ATG7: variants seen among roughly 807,000 people sequenced by gnomAD.
ATG7 encodes the protein autophagy related 7, also known as ubiquitin-like modifier-activating enzyme ATG7.
A neutral mutation model predicts 82.4 loss-of-function variants in ATG7; 70 were observed. That is an observed-to-expected ratio of 0.85 (90% CI 0.70 to 1.04). The LOEUF (loss-of-function observed/expected upper bound fraction) is 1.04. Ranked by LOEUF, ATG7 falls within the 50% of genes least tolerant of loss-of-function variation. The pLI, the probability that ATG7 is intolerant of heterozygous loss-of-function variation, is 0.00. For synonymous variants in ATG7, 287 were observed against 313.0 expected (o/e 0.92, Z 0.88); for missense variants, 792 against 864.3 (o/e 0.92, Z 1.05).
intron 20 of ATG7, among the ~76,000 whole-genome samples, chr3:11,554,420 G>A (rs2072180072): frequency 6.6e-6 from 1 of 152,194 alleles, no homozygotes; most frequent in South Asian, 2.1e-4. Context: ...CCTGCCCTCA[G>A]GGAGCTTGCC....
intron 3 of ATG7, among the ~76,000 whole-genome samples, chr3:11,291,977 A>G (rs1475049231): frequency 6.6e-6 from 1 of 152,212 alleles, no homozygotes; most frequent in Non-Finnish European, 1.5e-5. Flanking sequence ...CCACCTGTGC[A>G]GATCATTCCT....
intron 20 of ATG7, among the ~76,000 whole-genome samples, chr3:11,476,500 G>C (rs1400911684): frequency 1.4e-5 from 2 of 146,486 alleles, no homozygotes; most frequent in African/African-American, 5.0e-5. Flanking sequence ...TTAGAACCTT[G>C]TATCAGAATA....
chr3:11,491,965 C>G (rs1157817997), intron 20 of ATG7, among the ~76,000 whole-genome samples: 1 of 152,180 alleles, frequency 6.6e-6, no homozygotes, highest in Non-Finnish European at 1.5e-5. Context: ...GCAGGTAGGC[C>G]TCCTTGAGCT....
At chr3:11,478,425 A>G (rs933552448) in intron 20 of ATG7, among the ~76,000 whole-genome samples, 1 of 152,198 alleles carries the variant, frequency 6.6e-6, no homozygotes, top group Non-Finnish European at 1.5e-5. Flanking sequence ...GGTCCTGAAG[A>G]GATGAGACTG....
chr3:11,484,318 C>G (rs1033279012), intron 20 of ATG7, among the ~76,000 whole-genome samples: 1 of 152,182 alleles, frequency 6.6e-6, no homozygotes, highest in Non-Finnish European at 1.5e-5. Flanking sequence ...TACTTGAACC[C>G]AGGAGGCGGA....
chr3:11,298,875 A>AT lies in ATG7; in HGVS notation c.160+24dup, dbSNP rs773953450. On this transcript the variant is annotated intron_variant, in intron 4 of 20. Coordinates refer to ENST00000693202, the MANE Select transcript of ATG7 (RefSeq NM_001349232.2). ...ACAATGGTAGGTGATTGTAAATTTC[A>AT]TTTTCCATCATCTTCTGTTATCCTC... 1 of 1,612,948 alleles carries AT rather than the reference A, an allele frequency of 6.2e-7. No homozygotes were observed. Among genetic ancestry groups the AT allele is most frequent in the South Asian group, 1.1e-5 (1 of 91,012 alleles).
At chr3:11,561,010 G>C (rs539080936), downstream of ATG7, among the ~76,000 whole-genome samples, 6 of 152,110 alleles carry the variant, frequency 3.9e-5, no homozygotes, top group South Asian at 1.2e-3. Context: ...GCAGAATACC[G>C]AGACCTGGAC....
chr3:11,324,111 A>T (rs1950555405), intron 9 of ATG7, among the ~76,000 whole-genome samples: 2 of 152,230 alleles, frequency 1.3e-5, no homozygotes, highest in Non-Finnish European at 2.9e-5. Context: ...TAAAGCTTCT[A>T]AACAAAGTTT....
chr3:11,356,365 C>A (rs978015720), intron 14 of ATG7, among the ~76,000 whole-genome samples: 1 of 152,102 alleles, frequency 6.6e-6, no homozygotes, highest in Admixed American at 6.6e-5. Flanking sequence ...GGTGCCTGGG[C>A]TCATTCTTAG....
chr3:11,321,064 G>A (rs1950148199), intron 9 of ATG7, among the ~76,000 whole-genome samples: 2 of 152,180 alleles, frequency 1.3e-5, no homozygotes, highest in South Asian at 2.1e-4. Context: ...TTTGGAGTAG[G>A]GTGCAGATGC....
intron 20 of ATG7, among the ~76,000 whole-genome samples, chr3:11,504,496 C>T (rs1212501964): frequency 6.6e-6 from 1 of 152,164 alleles, no homozygotes; most frequent in South Asian, 2.1e-4. Context: ...AAGGCATCCT[C>T]AAAACAGTAG....
At chr3:11,275,510 G>A (rs113518127) in intron 1 of ATG7, among the ~76,000 whole-genome samples, 1,953 of 144,734 alleles carry the variant, frequency 0.013, 39 homozygotes, top group African/African-American at 0.048. Flanking sequence ...CACCATGCCC[G>A]GCTAATTTTT....
chr3:11,302,302 A>G (rs1228688172), intron 5 of ATG7, among the ~76,000 whole-genome samples: 1 of 152,210 alleles, frequency 6.6e-6, no homozygotes, highest in Non-Finnish European at 1.5e-5. Context: ...AAAGTCTGTC[A>G]CTTTCTGAGT....
chr3:11,464,071 A>C (rs1263365505), intron 20 of ATG7, among the ~76,000 whole-genome samples: 1 of 152,196 alleles, frequency 6.6e-6, no homozygotes, highest in East Asian at 1.9e-4. Context: ...CAGGTGTAGT[A>C]TGCTTTTGTA....
intron 20 of ATG7, among the ~76,000 whole-genome samples, chr3:11,539,911 T>C (rs2070684571): frequency 6.6e-6 from 1 of 152,242 alleles, no homozygotes; most frequent in African/African-American, 2.4e-5. Flanking sequence ...GCTTGGTGCC[T>C]TTCTGTCGCT....
chr3:11,281,774 C>CAAAAA (rs537058033), intron 2 of ATG7, among the ~76,000 whole-genome samples: 1 of 56,396 alleles, frequency 1.8e-5, no homozygotes, highest in Non-Finnish European at 3.7e-5. Flanking sequence ...AACTCCATCT[C>CAAAAA]AAAAAAAAAA....
chr3:11,357,293 A>T (rs1016330592), intron 14 of ATG7, among the ~76,000 whole-genome samples: 2 of 152,194 alleles, frequency 1.3e-5, no homozygotes, highest in Non-Finnish European at 2.9e-5. Context: ...GTGCCAAAAT[A>T]TTATGTGGTC....
intron 20 of ATG7, among the ~76,000 whole-genome samples, chr3:11,493,231 T>A (rs1158523363): frequency 2.0e-5 from 3 of 152,204 alleles, no homozygotes; most frequent in Admixed American, 2.0e-4. Flanking sequence ...TCAATTTGCC[T>A]CTCTGCCCCT....
intron 19 of ATG7, among the ~76,000 whole-genome samples, chr3:11,400,424 G>C (rs1212368285): frequency 6.6e-6 from 1 of 152,172 alleles, no homozygotes; most frequent in East Asian, 1.9e-4. Context: ...AATAGGGACT[G>C]TGGCCAACTA....
Sources: allele counts gnomAD v4.1 joint callset (sites outside exome capture counted in the v4.1 genomes callset), GRCh38; gene constraint gnomAD v4.1.1; transcripts MANE v1.5; gene names NCBI Gene and HGNC (gene_info 2026-07-23, HGNC 2026-07-21).